The following RPIA variants were observed in gnomAD, a reference collection of about 807,000 sequenced individuals.
RPIA encodes the protein ribose-5-phosphate isomerase.
Under a neutral mutation model 37.8 loss-of-function variants are expected in RPIA, and 29 were observed. The ratio of observed to expected loss-of-function variants is 0.77; its 90% CI spans 0.57 to 1.05. RPIA has a LOEUF of 1.05. RPIA is among the 50% of genes least tolerant of loss of function. The probability of loss-of-function intolerance (pLI) is 0.00; values close to 1 mark genes in which losing one functional copy is unlikely to be tolerated. For synonymous variants in RPIA, 167 were observed against 157.0 expected, an observed-to-expected ratio of 1.06 and a Z score of -0.48; for missense variants, 385 against 413.6, an observed-to-expected ratio of 0.93 and a Z score of 0.60.
chr2:88,705,687 G>T (rs1011368053), intron 3 of RPIA, among the ~76,000 whole-genome samples: 1 of 152,168 alleles, frequency 6.6e-6, no homozygotes, highest in African/African-American at 2.4e-5. Flanking sequence ...AAAAACAATT[G>T]CAACAAAAAC....
At chr2:88,697,455 C>G (rs1055087076) in intron 1 of RPIA, among the ~76,000 whole-genome samples, 1 of 152,244 alleles carries the variant, frequency 6.6e-6, no homozygotes, top group East Asian at 1.9e-4. Context: ...TGCTTAGGCA[C>G]TGAGCTGCAT....
intron 4 of RPIA, 102 bp from the exon 5 acceptor site, chr2:88,734,450 C>G: frequency 9.1e-7 from 1 of 1,099,086 alleles, no homozygotes; most frequent in African/African-American, 1.5e-5. Context: ...CTAGAATTAG[C>G]TAACAGGGCT....
At chr2:88,713,521 T>C (rs914298935) in intron 3 of RPIA, among the ~76,000 whole-genome samples, 2 of 152,224 alleles carry the variant, frequency 1.3e-5, no homozygotes, top group African/African-American at 4.8e-5. Flanking sequence ...AGGACTCACG[T>C]ACCGTTTTAT....
Position 88,691,936 on chromosome 2 carries a change from G to C in RPIA, c.238G>C (p.Glu80Gln), listed in dbSNP as rs778976559. The C allele has an allele frequency of 2.9e-5, 47 of 1,599,770 alleles. No homozygotes were observed. Among genetic ancestry groups the C allele is most frequent in the Non-Finnish European group, 4.0e-5 (47 of 1,173,938 alleles). The change falls in exon 1 of 9, where the codon GAG (glutamate) becomes CAG (glutamine). Residue 80 changes from glutamate to glutamine, a missense_variant. Around this residue, in one of 2 missense-constraint regions of RPIA, gnomAD observed 232 missense variants for 203.0 expected, o/e 1.14. Coordinates refer to ENST00000283646, the MANE Select transcript of RPIA (RefSeq NM_144563.3). The part of the protein sequence containing the change: ...PAPSTMSKAE[E>Q]AKKLAGRAAV... ...CCCCTCCACGATGTCCAAGGCCGAG[G>C]AGGCCAAGAAGCTGGCGGGCCGCGC...
At chr2:88,694,188 G>A (rs1437100751) in intron 1 of RPIA, among the ~76,000 whole-genome samples, 3 of 152,262 alleles carry the variant, frequency 2.0e-5, no homozygotes, top group Non-Finnish European at 4.4e-5. Context: ...CTCATAGGCA[G>A]CCTTTGGTCA....
intron 8 of RPIA, among the ~76,000 whole-genome samples, chr2:88,748,042 T>C (rs550908795): frequency 3.5e-4 from 54 of 152,212 alleles, no homozygotes; most frequent in Non-Finnish European, 7.5e-4. Flanking sequence ...ATTTGTGTAG[T>C]TTAAAATTAT....
At chr2:88,692,096 A>G in intron 1 of RPIA, 113 bp downstream of exon 1, 1 of 1,336,650 alleles carries the variant, frequency 7.5e-7, no homozygotes, top group Non-Finnish European at 1.0e-6. Context: ...GCGGGAGCTG[A>G]GTGAGAGGGT....
At chr2:88,695,703 C>T (rs1198247301) in intron 1 of RPIA, among the ~76,000 whole-genome samples, 1 of 152,146 alleles carries the variant, frequency 6.6e-6, no homozygotes, top group Non-Finnish European at 1.5e-5. Flanking sequence ...ACACACATTG[C>T]CTTCTTGAGA....
intron 1 of RPIA, among the ~76,000 whole-genome samples, chr2:88,693,925 C>T (rs1006910985): frequency 6.6e-6 from 1 of 152,250 alleles, no homozygotes; most frequent in Admixed American, 6.5e-5. Context: ...CAGAACTAGG[C>T]TCTTCTGAAT....
chr2:88,750,102 C>G lies in RPIA; in HGVS notation c.*24C>G, dbSNP rs1280939742. The G allele has an allele frequency of 6.5e-6, 10 of 1,538,562 alleles. No individual in the cohort carries two copies. Among genetic ancestry groups the G allele is most frequent in the Admixed American group, 1.7e-5 (1 of 59,694 alleles). On this transcript the variant is annotated 3_prime_UTR_variant, in exon 9 of 9. Coordinates refer to ENST00000283646, the MANE Select transcript of RPIA (RefSeq NM_144563.3). ...GACCCTGCAAGGAGCAGAGTGTGTT[C>G]ACCTTGAGTCTCCAGCCCACAGCCA...
chr2:88,728,947 C>G (rs1213209553), intron 3 of RPIA, among the ~76,000 whole-genome samples: 1 of 152,122 alleles, frequency 6.6e-6, no homozygotes, highest in Non-Finnish European at 1.5e-5. Context: ...GGATTTGGTT[C>G]TATGTTAGGA....
At chr2:88,738,681 T>C (rs532679388) in intron 8 of RPIA, among the ~76,000 whole-genome samples, 1 of 152,340 alleles carries the variant, frequency 6.6e-6, no homozygotes, top group South Asian at 2.1e-4. Flanking sequence ...AAAAAGTTTC[T>C]TTTTGGGAGA....
At chr2:88,738,924 TGAAG>T (rs1673349985) in intron 8 of RPIA, among the ~76,000 whole-genome samples, 2 of 152,228 alleles carry the variant, frequency 1.3e-5, no homozygotes, top group South Asian at 4.1e-4. Flanking sequence ...GCTTACTTGC[TGAAG>T]CACCAGGCGA....
intron 4 of RPIA, 135 bp downstream of exon 4, chr2:88,729,472 G>C: frequency 1.1e-6 from 1 of 882,450 alleles, no homozygotes; most frequent in Non-Finnish European, 1.8e-6. Flanking sequence ...TTTCTCCTGG[G>C]ACCTTGAGTA....
chr2:88,715,127 C>T (rs1673017580), intron 3 of RPIA, among the ~76,000 whole-genome samples: 1 of 152,156 alleles, frequency 6.6e-6, no homozygotes, highest in African/African-American at 2.4e-5. Flanking sequence ...CATAGGGCCA[C>T]CAATCAAGGA....
In RPIA at chr2:88,691,683, G is replaced by A. The variant is rs1573456033; in HGVS notation, c.-16G>A. The A allele has an allele frequency of 6.4e-7, 1 of 1,567,822 alleles. No homozygotes were observed. On this transcript the variant is annotated 5_prime_UTR_variant, in exon 1 of 9. Coordinates refer to ENST00000283646, the MANE Select transcript of RPIA (RefSeq NM_144563.3). ...CGGGGGCGGGACTTCAGCGGAGGCC[G>A]GAGCGAGGCGTCGGGATGCAGCGCC...
chr2:88,721,152 G>A (rs986413153), intron 3 of RPIA, among the ~76,000 whole-genome samples: 11 of 152,012 alleles, frequency 7.2e-5, no homozygotes, highest in Non-Finnish European at 1.3e-4. Context: ...ACTCATAAGT[G>A]GGAGTTGAAC....
At chr2:88,719,906 A>C (rs907310717) in intron 3 of RPIA, among the ~76,000 whole-genome samples, 16 of 152,158 alleles carry the variant, frequency 1.1e-4, no homozygotes, top group African/African-American at 3.9e-4. Flanking sequence ...TGCTTTTGAC[A>C]TTAATGTTTG....
At chr2:88,747,444 C>T (rs968493920) in intron 8 of RPIA, among the ~76,000 whole-genome samples, 1 of 152,174 alleles carries the variant, frequency 6.6e-6, no homozygotes, top group Non-Finnish European at 1.5e-5. Context: ...CTGCACTTCC[C>T]ATTTGTCCCC....
Sources: gnomAD v4.1 joint callset for allele counts (sites outside exome capture counted in the v4.1 genomes callset) on GRCh38, gnomAD v4.1.1 for gene constraint, gnomAD v4.1.1 regional missense constraint, MANE v1.5 for transcripts, NCBI Gene and HGNC (gene_info 2026-07-23, HGNC 2026-07-21) for gene names.